Variants in CSMD1 observed in about 807,000 individuals in gnomAD.
CSMD1 encodes the protein CUB and Sushi multiple domains 1, also known as CUB and sushi domain-containing protein 1.
In CSMD1, 213 loss-of-function variants were observed where a neutral mutation model predicts 417.5. The observed-to-expected ratio is 0.51, with a 90% confidence interval of 0.46 to 0.57. CSMD1 has a LOEUF of 0.57. Among genes scored for constraint, CSMD1 ranks in the 20% least tolerant of loss-of-function variants. The pLI is 0.00. For synonymous variants in CSMD1, 2,862 were observed against 1,736.8 expected (o/e 1.65, Z -16.11); for missense variants, 6,923 against 4,529.7 (o/e 1.53, Z -15.17).
chr8:3,328,871 G>A (rs1806708547), intron 23 of CSMD1, among the ~76,000 whole-genome samples: 1 of 152,318 alleles, frequency 6.6e-6, no homozygotes, highest in South Asian at 2.1e-4. Context: ...TAATATCCAT[G>A]AAGAGTCTTA....
intron 3 of CSMD1, among the ~76,000 whole-genome samples, chr8:4,352,345 G>C (rs745397547): frequency 2.6e-5 from 4 of 152,142 alleles, no homozygotes; most frequent in Non-Finnish European, 4.4e-5. Flanking sequence ...TCAACATTTA[G>C]AATGTTCTCA....
intron 2 of CSMD1, among the ~76,000 whole-genome samples, chr8:4,563,377 G>T (rs1798440729): frequency 6.6e-6 from 1 of 151,964 alleles, no homozygotes; most frequent in African/African-American, 2.4e-5. Context: ...CTCCAGCCTG[G>T]GTAACAGAGC....
chr8:4,399,288 T>C (rs577795809), intron 3 of CSMD1, among the ~76,000 whole-genome samples: 15 of 152,322 alleles, frequency 9.8e-5, no homozygotes, highest in Non-Finnish European at 2.1e-4. Flanking sequence ...CCATCATTAG[T>C]AATGAGGGAG....
At position 4,695,365 on chromosome 8, in the gene CSMD1, C is replaced by G. The variant is rs578130221; in HGVS notation, c.86-57807G>C. On this transcript the variant is annotated intron_variant, in intron 1 of 69. Transcript: ENST00000635120. ...CATGCTTGAGAGTGAGGACTGGCCC[C>G]TGTTCACATGTGTTATTTACACGCA... 4.6e-5 allele frequency among the ~76,000 whole-genome samples: 7 copies of G among 152,294 alleles called. No individual in the cohort carries two copies. In the East Asian group the frequency reaches 1.4e-3, roughly 29 times the overall value.
chr8:3,845,344 G>T (rs1803429589), intron 5 of CSMD1, among the ~76,000 whole-genome samples: 1 of 152,188 alleles, frequency 6.6e-6, no homozygotes, highest in Admixed American at 6.5e-5. Flanking sequence ...GATACAGCAT[G>T]TTGCTCCTGG....
rs145530428 is a variant in CSMD1, at chr8:4,474,787, T to A, written c.303-54722A>T. 1.1e-3 allele frequency among the ~76,000 whole-genome samples: 165 copies of A among 152,302 alleles called. 3 individuals carry two copies. Among genetic ancestry groups the A allele is most frequent in the African/African-American group, 3.8e-3 (160 of 41,570 alleles). ...TTTCTCCTCCCCAGCCTACTCAGCA[T>A]GAAGACCATGAGGAGGAAGAATTTT... On this transcript the variant is annotated intron_variant, in intron 2 of 69. Transcript: ENST00000635120.
At chr8:4,263,102 A>G (rs1803997737) in intron 3 of CSMD1, among the ~76,000 whole-genome samples, 1 of 152,144 alleles carries the variant, frequency 6.6e-6, no homozygotes, top group South Asian at 2.1e-4. Context: ...ATTTAAAAGC[A>G]GTATTATTTC....
At chr8:4,943,884 G>C (rs10091128) in intron 1 of CSMD1, among the ~76,000 whole-genome samples, 1 of 152,000 alleles carries the variant, frequency 6.6e-6, no homozygotes, top group Non-Finnish European at 1.5e-5. Flanking sequence ...AGCCCAAAAC[G>C]CTTAAAGGTA....
chr8:4,086,027 C>A (rs1226858090), intron 3 of CSMD1, among the ~76,000 whole-genome samples: 1 of 152,164 alleles, frequency 6.6e-6, no homozygotes, highest in East Asian at 1.9e-4. Context: ...AGGTGTGGTC[C>A]TGTTTTCAAC....
chr8:3,559,643 T>C (rs1338726571), intron 10 of CSMD1, among the ~76,000 whole-genome samples: 1 of 152,200 alleles, frequency 6.6e-6, no homozygotes, highest in Non-Finnish European at 1.5e-5. Context: ...GATTAAAGCA[T>C]TTCAAGGTCT....
intron 3 of CSMD1, among the ~76,000 whole-genome samples, chr8:4,061,962 G>C (rs764586030): frequency 1.3e-5 from 2 of 152,160 alleles, no homozygotes; most frequent in Non-Finnish European, 2.9e-5. Flanking sequence ...CATTATCTTA[G>C]TCAGGGGATG....
At chr8:3,292,706 G>A (rs899754922) in intron 25 of CSMD1, among the ~76,000 whole-genome samples, 3 of 151,886 alleles carry the variant, frequency 2.0e-5, no homozygotes, top group African/African-American at 7.3e-5. Context: ...CTTTTATTTT[G>A]AGCCTATGTG....
chr8:4,128,561 C>T (rs926276091), intron 3 of CSMD1, among the ~76,000 whole-genome samples: 28 of 152,304 alleles, frequency 1.8e-4, no homozygotes, highest in South Asian at 4.1e-4. Flanking sequence ...TAACACATCT[C>T]ATCTCTTTTA....
At chr8:4,333,590 C>G (rs117557811) in intron 3 of CSMD1, among the ~76,000 whole-genome samples, 1 of 152,142 alleles carries the variant, frequency 6.6e-6, no homozygotes, top group Non-Finnish European at 1.5e-5. Context: ...TATTATTACT[C>G]TTGCTGTTGT....
chr8:2,938,654 G>C lies in CSMD1; in HGVS notation c.10626C>G (p.Asn3542Lys). Residue 3542 changes from asparagine to lysine, a missense_variant, in exon 70 of 70, where the codon AAC becomes AAG. Physicochemically the swap from Asn to Lys is moderately conservative, Grantham distance 94. Transcript: ENST00000635120. Reference sequence around the variant, plus strand: ...CAGCCTTGGCTTCTGTGGGTTTTAAGTTTGTATCATACATGGGGTTTTCAA... The same window carrying C: ...CAGCCTTGGCTTCTGTGGGTTTTAACTTTGTATCATACATGGGGTTTTCAA... ...ASFENPMYDT[N>K]LKPTEAKAVR... 1 of 1,611,790 alleles carries C rather than the reference G, an allele frequency of 6.2e-7. No homozygotes were observed. The highest frequency in any genetic ancestry group is 8.5e-7 in the Non-Finnish European group (1 of 1,178,960).
chr8:4,156,904 T>C (rs1796865763), intron 3 of CSMD1, among the ~76,000 whole-genome samples: 1 of 152,186 alleles, frequency 6.6e-6, no homozygotes, highest in African/African-American at 2.4e-5. Flanking sequence ...GCATTTTTCT[T>C]ACCTCTCCGG....
At chr8:4,695,461 C>T (rs1181564179) in intron 1 of CSMD1, among the ~76,000 whole-genome samples, 1 of 152,164 alleles carries the variant, frequency 6.6e-6, no homozygotes, top group African/African-American at 2.4e-5. Context: ...TATGTGGACT[C>T]AGTTGTTGCC....
At chr8:3,331,829 T>C (rs865802410) in intron 23 of CSMD1, among the ~76,000 whole-genome samples, 1 of 152,244 alleles carries the variant, frequency 6.6e-6, no homozygotes, top group South Asian at 2.1e-4. Context: ...TCTTTATGTG[T>C]AAACTTGATT....
chr8:3,336,225 G>A (rs1030187617), intron 23 of CSMD1, among the ~76,000 whole-genome samples: 1 of 152,086 alleles, frequency 6.6e-6, no homozygotes, highest in Non-Finnish European at 1.5e-5. Flanking sequence ...CTTCGTGTGT[G>A]AGTTACAATA....
Sources: allele counts gnomAD v4.1 joint callset (sites outside exome capture counted in the v4.1 genomes callset), GRCh38; gene constraint gnomAD v4.1.1; transcripts MANE v1.5; gene names NCBI Gene and HGNC (gene_info 2026-07-23, HGNC 2026-07-21).